The following SPECC1 variants were observed in gnomAD, a reference collection of about 807,000 sequenced individuals.
The protein encoded by SPECC1 is cytospin-B.
SPECC1 carries 62 observed loss-of-function variants against 104.1 expected under a neutral mutation model. That is an observed-to-expected ratio of 0.60 (90% CI 0.49 to 0.74). The LOEUF is 0.74. Among genes scored for constraint, SPECC1 ranks in the 30% least tolerant of loss-of-function variants. SPECC1 has a pLI of 0.00. For synonymous variants in SPECC1, 513 were observed against 501.6 expected (o/e 1.02, Z -0.30); for missense variants, 1,306 against 1,310.5 (o/e 1.00, Z 0.05).
chr17:20,135,054 T>C (rs2049849600), intron 3 of SPECC1, among the ~76,000 whole-genome samples: 1 of 152,208 alleles, frequency 6.6e-6, no homozygotes, highest in Non-Finnish European at 1.5e-5. Context: ...GTGGAAAACA[T>C]GATCAGATCT....
At chr17:20,092,286 G>A (rs904787438) in intron 1 of SPECC1, among the ~76,000 whole-genome samples, 1 of 119,338 alleles carries the variant, frequency 8.4e-6, no homozygotes, top group Non-Finnish European at 1.9e-5. Flanking sequence ...TGTTCATGAG[G>A]ATTTTAGGAA....
intron 3 of SPECC1, among the ~76,000 whole-genome samples, chr17:20,145,618 C>A (rs2031377798): frequency 6.6e-6 from 1 of 152,202 alleles, no homozygotes; most frequent in Admixed American, 6.5e-5. Flanking sequence ...TCCCAGCAGA[C>A]CTCCCTTCAA....
intron 3 of SPECC1, among the ~76,000 whole-genome samples, chr17:20,146,294 G>A (rs1006041242): frequency 3.9e-5 from 6 of 152,210 alleles, no homozygotes; most frequent in African/African-American, 1.4e-4. Flanking sequence ...CTGGAATGAT[G>A]TAGTGTAGCT....
intron 7 of SPECC1, chr17:20,236,760 TG>T: frequency 6.7e-7 from 1 of 1,496,642 alleles, no homozygotes; most frequent in Non-Finnish European, 9.3e-7. Flanking sequence ...CTTTTCCCTG[TG>T]GGACAGTGTA....
At chr17:20,079,229 G>A (rs1597659671) in intron 1 of SPECC1, among the ~76,000 whole-genome samples, 1 of 152,044 alleles carries the variant, frequency 6.6e-6, no homozygotes, top group African/African-American at 2.4e-5. Context: ...GCTCGTAGAC[G>A]CCCCCGAGGC....
intron 3 of SPECC1, among the ~76,000 whole-genome samples, chr17:20,175,008 C>T (rs2034369997): frequency 6.6e-6 from 1 of 152,160 alleles, no homozygotes; most frequent in African/African-American, 2.4e-5. Flanking sequence ...GTCAGGCTCA[C>T]CCTGCAGTGT....
chr17:20,017,615 CATT>C (rs1210903867), intron 1 of SPECC1: 12 of 152,378 alleles, frequency 7.9e-5, no homozygotes, highest in African/African-American at 2.4e-4. Context: ...AGTAGGTAAC[CATT>C]GTTGTTAGTT....
intron 1 of SPECC1, among the ~76,000 whole-genome samples, chr17:20,060,585 T>G (rs1030210775): frequency 6.6e-6 from 1 of 152,238 alleles, no homozygotes; most frequent in African/African-American, 2.4e-5. Flanking sequence ...AATTCCAATT[T>G]TTTAATTATT....
At chr17:20,016,614 G>A (rs958689911) in intron 1 of SPECC1, among the ~76,000 whole-genome samples, 1 of 152,220 alleles carries the variant, frequency 6.6e-6, no homozygotes, top group Non-Finnish European at 1.5e-5. Context: ...TAGCACCTGG[G>A]CCAGCAGCTG....
chr17:20,305,816 G>A (rs1205296065), intron 13 of SPECC1: 20 of 453,438 alleles, frequency 4.4e-5, no homozygotes, highest in Non-Finnish European at 7.4e-5. Context: ...TTTGATAGGT[G>A]TCAATCAGTA....
chr17:20,258,171 G>A (rs777637931), intron 11 of SPECC1, among the ~76,000 whole-genome samples: 13 of 152,148 alleles, frequency 8.5e-5, no homozygotes, highest in Non-Finnish European at 5.9e-5. Context: ...ATTTTGTTTC[G>A]GATTTTGAGG....
chr17:20,249,472 G>C (rs2039543217), intron 9 of SPECC1, among the ~76,000 whole-genome samples: 1 of 152,028 alleles, frequency 6.6e-6, no homozygotes, highest in Non-Finnish European at 1.5e-5. Context: ...AATACCAAAT[G>C]ATGAAAAGCC....
chr17:20,264,069 C>T (rs2040126580), intron 12 of SPECC1, among the ~76,000 whole-genome samples: 1 of 152,172 alleles, frequency 6.6e-6, no homozygotes, highest in African/African-American at 2.4e-5. Flanking sequence ...ACCTGTTTGT[C>T]TGAGACACCT....
Position 20,206,081 on chromosome 17 carries a change from G to C in SPECC1, c.1863+169G>C, listed in dbSNP as rs141937052. ...GATTGCACACAGGTTGGGATTGGGG[G>C]ATACAAAAAGGAAACACCCAAATTT... On this transcript the variant is annotated intron_variant, in intron 4 of 14. Transcript: ENST00000395527. 1.6e-3 allele frequency among the ~76,000 whole-genome samples: 238 copies of C among 152,240 alleles called. 2 individuals carry two copies. Among genetic ancestry groups the C allele is most frequent in the African/African-American group, 5.4e-3 (223 of 41,536 alleles).
At chr17:20,306,276 A>G in intron 14 of SPECC1, 194 bp downstream of exon 14, 1 of 522,212 alleles carries the variant, frequency 1.9e-6, no homozygotes, top group Non-Finnish European at 3.4e-6. Context: ...CAATCGCATA[A>G]GATTTCATAT....
Position 20,317,741 on chromosome 17 carries a change from A to C in SPECC1, c.*3676A>C, listed in dbSNP as rs909946160. 1.4e-5 allele frequency: 3 copies of C among 217,880 alleles called. No individual in the cohort carries two copies. Among genetic ancestry groups the C allele is most frequent in the African/African-American group, 6.7e-5 (3 of 44,466 alleles). 13.5% of individuals were successfully genotyped at this position (217,880 alleles called of 1,614,324 possible). ...ACCCTGTCACACACACACACAAAAA[A>C]AAGAAATACAGGTGGTGTTTTGGGG... On this transcript the variant is annotated 3_prime_UTR_variant, in exon 15 of 15. Transcript: ENST00000395527.
At chr17:20,108,253 A>T (rs980980615) in intron 2 of SPECC1, among the ~76,000 whole-genome samples, 1 of 151,922 alleles carries the variant, frequency 6.6e-6, no homozygotes, top group Non-Finnish European at 1.5e-5. Flanking sequence ...AAAACCCAGA[A>T]GGCTAGTATT....
At chr17:20,233,873 T>G (rs2038750172) in intron 7 of SPECC1, among the ~76,000 whole-genome samples, 1 of 152,162 alleles carries the variant, frequency 6.6e-6, no homozygotes, top group African/African-American at 2.4e-5. Context: ...AAAATCCGAG[T>G]CAGAACTTGT....
chr17:20,137,909 C>T (rs898068072), intron 3 of SPECC1, among the ~76,000 whole-genome samples: 4 of 152,026 alleles, frequency 2.6e-5, no homozygotes, highest in African/African-American at 7.2e-5. Flanking sequence ...TCAAATAATC[C>T]GCCCTTCCAC....
Sources: allele counts gnomAD v4.1 joint callset (sites outside exome capture counted in the v4.1 genomes callset), GRCh38; gene constraint gnomAD v4.1.1; transcripts MANE v1.5; gene names NCBI Gene and HGNC (gene_info 2026-07-23, HGNC 2026-07-21).